The following SUPT6H variants were observed in gnomAD, a reference collection of about 807,000 sequenced individuals.
The protein encoded by SUPT6H is SPT6 homolog, histone chaperone and transcription elongation factor.
A neutral mutation model predicts 222.3 loss-of-function variants in SUPT6H; 11 were observed. The ratio of observed to expected loss-of-function variants is 0.05; its 90% CI spans 0.03 to 0.08. The LOEUF (loss-of-function observed/expected upper bound fraction) is 0.08. SUPT6H is among the 10% of genes least tolerant of loss of function. SUPT6H has a pLI of 1.00. For missense variants in SUPT6H, 1,422 were observed against 2,216.0 expected, an observed-to-expected ratio of 0.64 and a Z score of 7.19; for synonymous variants, 762 against 801.2, an observed-to-expected ratio of 0.95 and a Z score of 0.83.
At chr17:28,681,809 C>A (rs545416052) in intron 12 of SUPT6H, 73 bp from the exon 13 acceptor site, 1,318 of 1,356,304 alleles carry the variant, frequency 9.7e-4, no homozygotes, top group Middle Eastern at 1.6e-3. Context: ...TTTGAGGCTT[C>A]TCTCCTAATG....
chr17:28,674,332 C>T lies in SUPT6H; in HGVS notation c.159C>T (p.Asn53=). Residue 53 remains asparagine, a synonymous_variant, in exon 3 of 37, where the codon AAC becomes AAT. Coordinates refer to ENST00000314616, the MANE Select transcript of SUPT6H (RefSeq NM_003170.5). The part of the protein sequence containing the change: ...ENLDDQDEQG[N]LKGFINDDDD... ...TAGATGATCAGGATGAGCAAGGCAA[C>T]TTGAAAGGCTTTATCAATGACGATG... 6.2e-7 allele frequency: 1 copy of T among 1,614,124 alleles called. No homozygotes were observed. The highest frequency in any genetic ancestry group is 8.5e-7 in the Non-Finnish European group (1 of 1,180,038).
chr17:28,689,219 T>G (rs2031532222), intron 24 of SUPT6H, 135 bp from the exon 25 acceptor site: 1 of 733,732 alleles, frequency 1.4e-6, no homozygotes, highest in Non-Finnish European at 2.2e-6. Context: ...TACCTCATTC[T>G]TGTTAATGGC....
intron 5 of SUPT6H, 113 bp from the exon 6 acceptor site, chr17:28,675,288 C>G: frequency 6.8e-7 from 1 of 1,472,666 alleles, no homozygotes; most frequent in Admixed American, 1.9e-5. Context: ...AGTTCCTTTT[C>G]AGGAGCTTCC....
At chr17:28,694,524 G>A (rs2031810634) in intron 28 of SUPT6H, among the ~76,000 whole-genome samples, 1 of 152,180 alleles carries the variant, frequency 6.6e-6, no homozygotes. Context: ...TGAGTGTTGT[G>A]AACCTCTGAG....
chr17:28,687,327 G>A lies in SUPT6H; in HGVS notation c.2862G>A (p.Leu954=). The stretch of plus-strand genomic sequence containing the variant: ...AGGAGCATGTGGTGAAAGAGGAGCT[G>A]CTCAACGCCTTGTACTGTGAATTTA... ...PLQEHVVKEE[L]LNALYCEFIN... is the part of the protein sequence containing the mutation. The change falls in exon 23 of 37, where the codon CTG becomes CTA. Residue 954 remains leucine (L), a synonymous_variant. Transcript: ENST00000314616. 1 of 1,614,174 alleles carries A rather than the reference G, an allele frequency of 6.2e-7. No homozygotes were observed. Among genetic ancestry groups the A allele is most frequent in the Non-Finnish European group, 8.5e-7 (1 of 1,180,042 alleles).
chr17:28,666,710 C>T (rs1033230202), intron 1 of SUPT6H, among the ~76,000 whole-genome samples: 14 of 152,106 alleles, frequency 9.2e-5, no homozygotes, highest in Non-Finnish European at 1.8e-4. Context: ...CACCACCACA[C>T]CCGGCTAATT....
At chr17:28,664,435 G>T (rs975567087) in intron 1 of SUPT6H, among the ~76,000 whole-genome samples, 5 of 152,202 alleles carry the variant, frequency 3.3e-5, no homozygotes, top group African/African-American at 1.2e-4. Context: ...GAACCAGGGA[G>T]GCAGAGGTGC....
chr17:28,677,353 A>G (rs988705325), intron 7 of SUPT6H, among the ~76,000 whole-genome samples: 1 of 151,664 alleles, frequency 6.6e-6, no homozygotes, highest in African/African-American at 2.4e-5. Flanking sequence ...ATTGCACTCC[A>G]GCCTGGGCAA....
intron 28 of SUPT6H, 67 bp downstream of exon 28, chr17:28,693,903 T>C: frequency 1.2e-6 from 2 of 1,604,006 alleles, no homozygotes; most frequent in Non-Finnish European, 1.7e-6. Context: ...CTCTTTAACT[T>C]TGGGCTGTCC....
chr17:28,679,363 A>G (rs939758401), intron 11 of SUPT6H, among the ~76,000 whole-genome samples: 1 of 151,892 alleles, frequency 6.6e-6, no homozygotes, highest in African/African-American at 2.4e-5. Flanking sequence ...ACAGAGCGAG[A>G]CTTCGTCTCA....
Position 28,681,270 on chromosome 17 carries a change from A to C in SUPT6H, c.1364A>C (p.Gln455Pro), listed in dbSNP as rs1567693450. ...TTDMERLKDV[Q>P]SMDELKDVYN... ...TTCTTTTTCAGGCTCAAGGATGTCC[A>C]ATCAATGGATGAGCTGAAAGATGTC... The change falls in exon 12 of 37, where the codon CAA becomes CCA. Residue 455 changes from glutamine (Q) to proline (P), a missense_variant. Physicochemically the swap from Gln to Pro is moderately conservative, Grantham distance 76. Around this residue, in one of 13 missense-constraint regions of SUPT6H, gnomAD observed 389 missense variants for 544.6 expected, o/e 0.71. Coordinates refer to ENST00000314616, the MANE Select transcript of SUPT6H (RefSeq NM_003170.5). 6.2e-7 allele frequency: 1 copy of C among 1,613,958 alleles called. No homozygotes were observed. Among genetic ancestry groups the C allele is most frequent in the Non-Finnish European group, 8.5e-7 (1 of 1,179,994 alleles).
chr17:28,698,434 A>C (rs1008871780), intron 32 of SUPT6H, among the ~76,000 whole-genome samples: 4 of 152,184 alleles, frequency 2.6e-5, no homozygotes, highest in Non-Finnish European at 5.9e-5. Flanking sequence ...CTCCGCCCGC[A>C]CTGAAGCGGT....
intron 11 of SUPT6H, among the ~76,000 whole-genome samples, chr17:28,679,563 G>A (rs977914062): frequency 6.6e-6 from 1 of 151,622 alleles, no homozygotes; most frequent in Admixed American, 6.6e-5. Context: ...TGTATTTTTA[G>A]TAGAGACAGG....
Position 28,690,181 on chromosome 17 carries a change from G to A in SUPT6H, c.3442G>A (p.Glu1148Lys). ...RTAYRSPNTE[E>K]IFNMLTKETP... ...AGCCTACCGCTCTCCCAACACAGAG[G>A]AGATCTTCAATATGTTAACCAAAGA... Residue 1148 changes from glutamate to lysine, a missense_variant, in exon 26 of 37, where the codon GAG becomes AAG. By Grantham distance (56) the Glu-to-Lys change is moderately conservative (BLOSUM62 1). Coordinates refer to ENST00000314616, the MANE Select transcript of SUPT6H (RefSeq NM_003170.5). The A allele has an allele frequency of 1.2e-6, 2 of 1,613,978 alleles. No homozygotes were observed. The highest frequency in any genetic ancestry group is 1.7e-6 in the Non-Finnish European group (2 of 1,180,022).
chr17:28,668,874 CT>C, intron 1 of SUPT6H, among the ~76,000 whole-genome samples: 1 of 152,166 alleles, frequency 6.6e-6, no homozygotes, highest in East Asian at 1.9e-4. Context: ...AAGTTTAAGA[CT>C]TTCACTTTTG....
chr17:28,694,824 TGAAACCCCGTCTCTACA>T (rs1312341261), intron 28 of SUPT6H, among the ~76,000 whole-genome samples: 4 of 152,062 alleles, frequency 2.6e-5, no homozygotes, highest in African/African-American at 9.7e-5. Context: ...GCCAACATGG[TGAAACCCCGTCTCTACA>T]GAAAATACAA....
intron 1 of SUPT6H, among the ~76,000 whole-genome samples, chr17:28,669,479 C>G (rs1488635498): frequency 2.0e-5 from 3 of 152,116 alleles, no homozygotes; most frequent in African/African-American, 7.2e-5. Flanking sequence ...AGCACTCGGC[C>G]GAATAATAAT....
At chr17:28,686,225 C>A (rs1419410425) in intron 19 of SUPT6H, 114 bp from the exon 20 acceptor site, 1 of 941,170 alleles carries the variant, frequency 1.1e-6, no homozygotes, top group Non-Finnish European at 1.6e-6. Context: ...CACCTTGGAC[C>A]AGATATCTTC....
chr17:28,668,103 C>T (rs1364984926), intron 1 of SUPT6H, among the ~76,000 whole-genome samples: 2 of 152,180 alleles, frequency 1.3e-5, no homozygotes, highest in African/African-American at 2.4e-5. Context: ...ATGGTAACCA[C>T]CAGCCTCTCC....
Sources: gnomAD v4.1 joint callset for allele counts (sites outside exome capture counted in the v4.1 genomes callset) on GRCh38, gnomAD v4.1.1 for gene constraint, gnomAD v4.1.1 regional missense constraint, MANE v1.5 for transcripts, NCBI Gene and HGNC (gene_info 2026-07-23, HGNC 2026-07-21) for gene names.